The following KCNC2 variants were observed in gnomAD, a reference collection of about 807,000 sequenced individuals.
KCNC2 encodes potassium voltage-gated channel subfamily C member 2.
A neutral mutation model predicts 44.5 loss-of-function variants in KCNC2; 21 were observed. The observed-to-expected ratio is 0.47, with a 90% CI of 0.33 to 0.68. KCNC2 has a LOEUF of 0.68. Among genes scored for constraint, KCNC2 ranks in the 30% least tolerant of loss-of-function variants. The pLI is 0.01. For synonymous variants in KCNC2, 391 were observed against 339.1 expected (o/e 1.15, Z -1.68); for missense variants, 589 against 826.2 (o/e 0.71, Z 3.52).
At chr12:75,096,481 C>A (rs914950210) in intron 2 of KCNC2, among the ~76,000 whole-genome samples, 5 of 151,934 alleles carry the variant, frequency 3.3e-5, no homozygotes, top group Non-Finnish European at 5.9e-5. Context: ...TTTCCTTACA[C>A]CTCTAAATTT....
intron 2 of KCNC2, among the ~76,000 whole-genome samples, chr12:75,184,976 T>C (rs541598037): frequency 6.6e-5 from 10 of 152,302 alleles, no homozygotes; most frequent in East Asian, 5.8e-4. Context: ...TATTCATTTG[T>C]GGACACATGA....
intron 2 of KCNC2, among the ~76,000 whole-genome samples, chr12:75,061,935 G>C (rs1360979531): frequency 6.6e-6 from 1 of 152,110 alleles, no homozygotes; most frequent in African/African-American, 2.4e-5. Context: ...GGATAAATAA[G>C]TGGCAATAGA....
intron 2 of KCNC2, among the ~76,000 whole-genome samples, chr12:75,079,244 G>C (rs934463297): frequency 6.6e-6 from 1 of 152,066 alleles, no homozygotes; most frequent in African/African-American, 2.4e-5. Context: ...CATGAAGAAA[G>C]AGGAACCTTT....
chr12:75,089,104 C>A (rs1207692711), intron 2 of KCNC2, among the ~76,000 whole-genome samples: 1 of 151,790 alleles, frequency 6.6e-6, no homozygotes, highest in Non-Finnish European at 1.5e-5. Flanking sequence ...AAGAATAAAT[C>A]TTTATGCTTA....
chr12:75,187,496 G>T lies in KCNC2; in HGVS notation c.687+19801C>A, dbSNP rs142476850. Among the ~76,000 whole-genome samples, 830 of 151,962 alleles carry T rather than the reference G, an allele frequency of 5.5e-3. 4 individuals are homozygous for T. The highest frequency in any genetic ancestry group is 0.019 in the African/African-American group (782 of 41,440). On this transcript the variant is annotated intron_variant, in intron 2 of 4. Coordinates refer to ENST00000549446, the MANE Select transcript of KCNC2 (RefSeq NM_139137.4). ...CCAATATTCTCACATATCTTCCTTC[G>T]ACTGCTTGTTCCTCACTTACTGAAT...
chr12:75,068,027 G>A (rs139193851), intron 2 of KCNC2, among the ~76,000 whole-genome samples: 75 of 152,256 alleles, frequency 4.9e-4, no homozygotes, highest in Middle Eastern at 3.4e-3. Flanking sequence ...CAACTTTCCA[G>A]GGAAGGAAAC....
At chr12:75,061,067 G>C (rs757978086) in intron 2 of KCNC2, among the ~76,000 whole-genome samples, 2 of 152,014 alleles carry the variant, frequency 1.3e-5, no homozygotes, top group Non-Finnish European at 2.9e-5. Flanking sequence ...TGTAATATTT[G>C]ATTTTCTTCT....
chr12:75,086,760 G>A (rs1229042088), intron 2 of KCNC2, among the ~76,000 whole-genome samples: 1 of 148,210 alleles, frequency 6.7e-6, no homozygotes, highest in East Asian at 2.0e-4. Context: ...AGAAAATGAA[G>A]GAAAAGTGAA....
Position 75,186,048 on chromosome 12 carries a change from AAAATAAAT to A in KCNC2, c.687+21241_687+21248del, listed in dbSNP as rs371301482. ...GTGACAAGAGTGAAACTCTGTCTCA[AAAATAAAT>A]AAATAAATAAATAAATAAATAAATA... On this transcript the variant is annotated intron_variant, in intron 2 of 4. Coordinates refer to ENST00000549446, the MANE Select transcript of KCNC2 (RefSeq NM_139137.4). 9.0e-3 allele frequency among the ~76,000 whole-genome samples: 1,285 copies of A among 143,020 alleles called. 6 individuals are homozygous for A. The highest frequency in any genetic ancestry group is 0.021 in the East Asian group (101 of 4,924). The allele number at this position is 143,020 out of a possible 152,430, so 93.8% of individuals were successfully genotyped here. A position where few individuals can be genotyped will look rare whatever the true frequency, so the allele number is the denominator to read the frequency against.
chr12:75,139,051 G>A (rs1169828470), intron 2 of KCNC2, among the ~76,000 whole-genome samples: 1 of 145,822 alleles, frequency 6.9e-6, no homozygotes, highest in Non-Finnish European at 1.5e-5. Context: ...ACCGGTTAGA[G>A]AAGGTGCCAG....
intron 2 of KCNC2, among the ~76,000 whole-genome samples, chr12:75,092,030 T>G (rs1885525331): frequency 1.3e-5 from 2 of 151,652 alleles, no homozygotes; most frequent in Admixed American, 6.6e-5. Context: ...TATAACCATG[T>G]TTCTCAAAAT....
In KCNC2 at chr12:75,042,320, A is replaced by T. The variant is rs149122594; in HGVS notation, c.*785T>A. Reference sequence around the variant, plus strand: ...TGTGCCTTCCCCAAGTCATTAAGTAAGAGATCTGGCCTCGGCTTGCGTGTA... The same window carrying T: ...TGTGCCTTCCCCAAGTCATTAAGTATGAGATCTGGCCTCGGCTTGCGTGTA... On this transcript the variant is annotated 3_prime_UTR_variant, in exon 5 of 5. Transcript: ENST00000549446. The T allele has an allele frequency of 4.0e-5, 64 of 1,611,692 alleles. 1 individual carries two copies. The African/African-American group carries it at 7.4e-4, about 19-fold the overall frequency.
chr12:75,094,977 A>G (rs1885800310), intron 2 of KCNC2, among the ~76,000 whole-genome samples: 1 of 151,834 alleles, frequency 6.6e-6, no homozygotes. Flanking sequence ...AACAGGTAAA[A>G]TAATAAATTA....
chr12:75,181,894 C>G (rs1297933962), intron 2 of KCNC2, among the ~76,000 whole-genome samples: 1 of 120,482 alleles, frequency 8.3e-6, no homozygotes, highest in Admixed American at 1.0e-4. Context: ...ACTAGGGAAA[C>G]ATTATTACTA....
intron 2 of KCNC2, among the ~76,000 whole-genome samples, chr12:75,145,104 C>T (rs1305912494): frequency 6.6e-6 from 1 of 152,028 alleles, no homozygotes; most frequent in Admixed American, 6.6e-5. Flanking sequence ...ATCTGTGTGC[C>T]AGTTATAAAT....
intron 2 of KCNC2, among the ~76,000 whole-genome samples, chr12:75,112,127 C>T (rs905757694): frequency 6.6e-6 from 1 of 151,812 alleles, no homozygotes; most frequent in Non-Finnish European, 1.5e-5. Flanking sequence ...ATTTATCTAT[C>T]ACTTTATATA....
At chr12:75,204,648 T>A (rs1241122315) in intron 2 of KCNC2, among the ~76,000 whole-genome samples, 1 of 152,164 alleles carries the variant, frequency 6.6e-6, no homozygotes, top group Non-Finnish European at 1.5e-5. Flanking sequence ...ATAAATGTTT[T>A]ATGTTTCCTC....
chr12:75,195,299 T>C lies in KCNC2; in HGVS notation c.687+11998A>G, dbSNP rs75995045. Among the ~76,000 whole-genome samples, 405 of 152,248 alleles carry C rather than the reference T, an allele frequency of 2.7e-3. 2 individuals are homozygous for C. The highest frequency in any genetic ancestry group is 9.0e-3 in the African/African-American group (374 of 41,554). On this transcript the variant is annotated intron_variant, in intron 2 of 4. Coordinates refer to ENST00000549446, the MANE Select transcript of KCNC2 (RefSeq NM_139137.4). Reference sequence around the variant, plus strand: ...CTGGCATACTCAGCATCTAATTTCATAACCATAAAACCTATGAAGTAGCCT... The same window carrying C: ...CTGGCATACTCAGCATCTAATTTCACAACCATAAAACCTATGAAGTAGCCT...
At chr12:75,075,628 G>A (rs951827213) in intron 2 of KCNC2, among the ~76,000 whole-genome samples, 52 of 151,886 alleles carry the variant, frequency 3.4e-4, no homozygotes, top group African/African-American at 1.3e-3. Flanking sequence ...AGATGACATG[G>A]TCATATTATT....
Sources: gnomAD v4.1 joint callset for allele counts (sites outside exome capture counted in the v4.1 genomes callset) on GRCh38, gnomAD v4.1.1 for gene constraint, MANE v1.5 for transcripts, NCBI Gene and HGNC (gene_info 2026-07-23, HGNC 2026-07-21) for gene names.